Variants in SMYD3 observed in about 807,000 individuals in gnomAD.
The protein encoded by SMYD3 is SET and MYND domain containing 3.
A neutral mutation model predicts 57.7 loss-of-function variants in SMYD3; 36 were observed. The observed-to-expected ratio is 0.62, with a 90% CI of 0.48 to 0.82. SMYD3 has a LOEUF of 0.82. Ranked by LOEUF, SMYD3 falls within the 40% of genes least tolerant of loss-of-function variation. SMYD3 has a pLI of 0.00. For missense variants in SMYD3, 515 were observed against 538.8 expected, an observed-to-expected ratio of 0.96 and a Z score of 0.44; for synonymous variants, 211 against 195.0, an observed-to-expected ratio of 1.08 and a Z score of -0.68.
intron 5 of SMYD3, among the ~76,000 whole-genome samples, chr1:245,943,777 A>G (rs1337495060): frequency 6.6e-6 from 1 of 152,186 alleles, no homozygotes; most frequent in East Asian, 1.9e-4. Context: ...CAAAAAACTT[A>G]CCCACCATGA....
chr1:246,041,554 T>G (rs2059873289), intron 5 of SMYD3, among the ~76,000 whole-genome samples: 1 of 152,202 alleles, frequency 6.6e-6, no homozygotes, highest in Non-Finnish European at 1.5e-5. Flanking sequence ...ATCCCAGTGT[T>G]GCCAGGGCCC....
chr1:246,123,425 G>A (rs1306822656), intron 5 of SMYD3, among the ~76,000 whole-genome samples: 1 of 151,986 alleles, frequency 6.6e-6, no homozygotes, highest in Non-Finnish European at 1.5e-5. Context: ...AAATTAGCTG[G>A]GCATGGTGGT....
intron 5 of SMYD3, among the ~76,000 whole-genome samples, chr1:246,249,065 AT>A (rs1441280619): frequency 6.6e-6 from 1 of 150,828 alleles, no homozygotes; most frequent in East Asian, 2.0e-4. Flanking sequence ...GATTACTGGG[AT>A]TTTTTTTTAG....
intron 1 of SMYD3, among the ~76,000 whole-genome samples, chr1:246,398,001 T>G (rs2066702928): frequency 6.6e-6 from 1 of 151,620 alleles, no homozygotes; most frequent in Admixed American, 6.6e-5. Flanking sequence ...GGTTGAGTCC[T>G]GGGTCGTGGG....
Position 245,954,836 on chromosome 1 carries a change from C to G in SMYD3, c.532-24899G>C, listed in dbSNP as rs562966691. ...ATCTCTTACTTGCAACTTTCCAAGTCAATCTCTCTGGTCCCTGTCTTTTTC... is the reference window on the plus strand; with the variant it reads ...ATCTCTTACTTGCAACTTTCCAAGTGAATCTCTCTGGTCCCTGTCTTTTTC... On this transcript the variant is annotated intron_variant, in intron 5 of 11. Transcript: ENST00000490107. 3.1e-4 allele frequency among the ~76,000 whole-genome samples: 47 copies of G among 152,340 alleles called. No individual in the cohort carries two copies. In the South Asian group the frequency reaches 3.9e-3, roughly 13 times the overall value.
intron 9 of SMYD3, among the ~76,000 whole-genome samples, chr1:245,859,463 C>T (rs2051421015): frequency 6.6e-6 from 1 of 152,270 alleles, no homozygotes; most frequent in East Asian, 1.9e-4. Flanking sequence ...TCTCATGTAG[C>T]CTTGGAGTGA....
chr1:246,305,553 C>A (rs988878789), intron 5 of SMYD3, among the ~76,000 whole-genome samples: 2 of 152,008 alleles, frequency 1.3e-5, no homozygotes, highest in African/African-American at 4.8e-5. Flanking sequence ...AGAGGGATAA[C>A]GTGACACCAT....
chr1:246,313,918 G>A (rs1047283646), intron 5 of SMYD3, among the ~76,000 whole-genome samples: 2 of 152,108 alleles, frequency 1.3e-5, no homozygotes, highest in African/African-American at 4.8e-5. Context: ...AATCTGGAGG[G>A]CTCCTGAATA....
At chr1:246,339,309 A>C (rs2065594089) in intron 2 of SMYD3, among the ~76,000 whole-genome samples, 1 of 152,116 alleles carries the variant, frequency 6.6e-6, no homozygotes, top group Admixed American at 6.5e-5. Context: ...CCAGTCTAAT[A>C]CCTCAGCATT....
At chr1:246,059,630 A>AG (rs200462384) in intron 5 of SMYD3, among the ~76,000 whole-genome samples, 43 of 152,292 alleles carry the variant, frequency 2.8e-4, no homozygotes, top group Non-Finnish European at 4.9e-4. Flanking sequence ...GATGGATTTA[A>AG]GAAAAAAAAC....
rs376158783 is a variant in SMYD3, at chr1:245,906,064, C to T, written c.813+9466G>A. ...ACTACAAGAAAATATTAAGGAAAATCTCCAGGACACTGGGCTGGGCAAAGA... is the reference window on the plus strand; with the variant it reads ...ACTACAAGAAAATATTAAGGAAAATTTCCAGGACACTGGGCTGGGCAAAGA... On this transcript the variant is annotated intron_variant, in intron 8 of 11. Coordinates refer to ENST00000490107, the MANE Select transcript of SMYD3 (RefSeq NM_001167740.2). Among the ~76,000 whole-genome samples the T allele has an allele frequency of 4.6e-5, 7 of 152,192 alleles. 1 individual carries two copies. The highest frequency in any genetic ancestry group is 3.3e-4 in the Admixed American group (5 of 15,268).
At chr1:246,124,259 C>T (rs1336146279) in intron 5 of SMYD3, among the ~76,000 whole-genome samples, 2 of 152,150 alleles carry the variant, frequency 1.3e-5, no homozygotes, top group Non-Finnish European at 2.9e-5. Context: ...AGTCACTTAA[C>T]CTCTCTAGTT....
intron 10 of SMYD3, among the ~76,000 whole-genome samples, chr1:245,853,631 T>C (rs1019917510): frequency 6.6e-6 from 1 of 152,120 alleles, no homozygotes; most frequent in Non-Finnish European, 1.5e-5. Context: ...CTGGAGTTCT[T>C]CAGAAAAGCC....
intron 1 of SMYD3, among the ~76,000 whole-genome samples, chr1:246,428,745 C>G (rs1485506991): frequency 6.6e-6 from 1 of 152,158 alleles, no homozygotes; most frequent in East Asian, 1.9e-4. Context: ...CAAACCCGCG[C>G]AATCTAGACC....
chr1:246,234,625 T>A (rs1055802650), intron 5 of SMYD3, among the ~76,000 whole-genome samples: 3 of 88,480 alleles, frequency 3.4e-5, no homozygotes, highest in Admixed American at 1.3e-4. Context: ...GTGATGGCTA[T>A]TGGCCTATCC....
intron 8 of SMYD3, among the ~76,000 whole-genome samples, chr1:245,872,513 C>T (rs1437133018): frequency 2.0e-5 from 3 of 152,104 alleles, no homozygotes; most frequent in East Asian, 3.9e-4. Flanking sequence ...AGCCTTCTCC[C>T]GTCGGGCAGC....
intron 1 of SMYD3, among the ~76,000 whole-genome samples, chr1:246,395,608 CCCA>C (rs2066648090): frequency 2.9e-4 from 10 of 33,922 alleles, no homozygotes; most frequent in Admixed American, 1.8e-3. Context: ...GGAAGAGGAA[CCCA>C]CCATGGCTGG....
chr1:246,461,592 C>T lies in SMYD3; in HGVS notation c.164+45462G>A, dbSNP rs533024218. Among the ~76,000 whole-genome samples the T allele has an allele frequency of 7.3e-5, 11 of 151,230 alleles. No homozygotes were observed. In the East Asian group the frequency reaches 1.4e-3, roughly 19 times the overall value. ...CTAGAGAGAATTAGGTAACTAAAGGCTAAGAAAAAATATGTAAAAAAAAAA... is the reference window on the plus strand; with the variant it reads ...CTAGAGAGAATTAGGTAACTAAAGGTTAAGAAAAAATATGTAAAAAAAAAA... On this transcript the variant is annotated intron_variant, in intron 1 of 11. Coordinates refer to ENST00000490107, the MANE Select transcript of SMYD3 (RefSeq NM_001167740.2).
intron 10 of SMYD3, among the ~76,000 whole-genome samples, chr1:245,833,810 T>C (rs560673972): frequency 4.5e-4 from 69 of 152,332 alleles, no homozygotes; most frequent in African/African-American, 1.5e-3. Context: ...GGGAGCTCAT[T>C]GGCGTGAGAA....
Sources: allele counts gnomAD v4.1 joint callset (sites outside exome capture counted in the v4.1 genomes callset), GRCh38; gene constraint gnomAD v4.1.1; transcripts MANE v1.5; gene names NCBI Gene and HGNC (gene_info 2026-07-23, HGNC 2026-07-21).